The following MEI4 variants were observed in gnomAD, a reference collection of about 807,000 sequenced individuals.
MEI4 encodes the protein meiotic double-stranded break formation protein 4.
Under a neutral mutation model 31.4 loss-of-function variants are expected in MEI4, and 27 were observed. The observed-to-expected ratio is 0.86, with a 90% CI of 0.63 to 1.19. The LOEUF is 1.19. Ranked by LOEUF, MEI4 falls within the 50% of genes most tolerant of loss-of-function variation. The probability of loss-of-function intolerance (pLI) is 0.00; values close to 1 mark genes in which losing one functional copy is unlikely to be tolerated. For synonymous variants in MEI4, 122 were observed against 145.4 expected (o/e 0.84, Z 1.16); for missense variants, 329 against 398.9 (o/e 0.82, Z 1.49).
chr6:77,682,334 T>C (rs1768973945), intron 1 of MEI4, among the ~76,000 whole-genome samples: 1 of 152,220 alleles, frequency 6.6e-6, no homozygotes, highest in Non-Finnish European at 1.5e-5. Flanking sequence ...GTTTTCTCCC[T>C]TATAGCTTAC....
chr6:77,866,024 T>C (rs139648644), intron 4 of MEI4, among the ~76,000 whole-genome samples: 336 of 152,084 alleles, frequency 2.2e-3, no homozygotes, highest in African/African-American at 7.4e-3. Context: ...TGACAAAATT[T>C]AACAACTCTT....
chr6:77,844,320 G>A (rs1037838660), intron 4 of MEI4, among the ~76,000 whole-genome samples: 14 of 152,044 alleles, frequency 9.2e-5, no homozygotes, highest in Admixed American at 9.2e-4. Flanking sequence ...ATGTAGATTT[G>A]GAATTTCTGA....
rs959386661 is a variant in MEI4, at chr6:77,702,748, A to G, written c.232+11845A>G. Among the ~76,000 whole-genome samples the G allele has an allele frequency of 1.2e-4, 18 of 152,212 alleles. 1 individual carries two copies. Among genetic ancestry groups the G allele is most frequent in the Admixed American group, 3.3e-4 (5 of 15,288 alleles). ...CTTTTCCAGAATTTGGTGCTTACTT[A>G]TTTCTCCAGCCCAACCTGTCACCAC... On this transcript the variant is annotated intron_variant, in intron 2 of 4. Coordinates refer to ENST00000684080, the MANE Select transcript of MEI4 (RefSeq NM_001322247.2).
At chr6:77,747,208 A>C (rs952358697) in intron 2 of MEI4, among the ~76,000 whole-genome samples, 1 of 152,100 alleles carries the variant, frequency 6.6e-6, no homozygotes, top group Non-Finnish European at 1.5e-5. Context: ...GCTACTAGGG[A>C]GGTTTAGGCA....
intron 2 of MEI4, among the ~76,000 whole-genome samples, chr6:77,694,262 T>C (rs1229987843): frequency 2.6e-5 from 4 of 151,922 alleles, no homozygotes; most frequent in Non-Finnish European, 5.9e-5. Flanking sequence ...TTATTTATTT[T>C]AATTTTATTA....
chr6:77,882,801 A>G (rs1199494423), intron 4 of MEI4, among the ~76,000 whole-genome samples: 3 of 152,192 alleles, frequency 2.0e-5, no homozygotes, highest in South Asian at 2.1e-4. Context: ...TGTCATTTTT[A>G]TATCAAATCC....
intron 4 of MEI4, among the ~76,000 whole-genome samples, chr6:77,885,419 T>G (rs921125272): frequency 2.0e-5 from 3 of 152,064 alleles, no homozygotes; most frequent in Admixed American, 2.0e-4. Context: ...CTCAAACTGC[T>G]CGGCTCAAGC....
At chr6:77,806,062 G>A (rs955271841) in intron 3 of MEI4, among the ~76,000 whole-genome samples, 1 of 151,984 alleles carries the variant, frequency 6.6e-6, no homozygotes, top group African/African-American at 2.4e-5. Context: ...CTTTGCTTGA[G>A]GAAAATGTAT....
intron 1 of MEI4, among the ~76,000 whole-genome samples, chr6:77,661,178 C>G (rs1266052430): frequency 6.6e-6 from 1 of 152,130 alleles, no homozygotes; most frequent in Non-Finnish European, 1.5e-5. Flanking sequence ...AAGTTGGAGG[C>G]TGAGCTTGGT....
chr6:77,737,433 G>C (rs1354870842), intron 2 of MEI4, among the ~76,000 whole-genome samples: 2 of 152,192 alleles, frequency 1.3e-5, no homozygotes, highest in East Asian at 3.9e-4. Context: ...TAACAATAAA[G>C]GCTCGGGATA....
At chr6:77,844,519 G>A (rs1264236583) in intron 4 of MEI4, among the ~76,000 whole-genome samples, 2 of 152,066 alleles carry the variant, frequency 1.3e-5, no homozygotes, top group East Asian at 1.9e-4. Flanking sequence ...CTCAGCTCTT[G>A]AAATTTCTGC....
chr6:77,912,146 G>A (rs978084723), intron 4 of MEI4, among the ~76,000 whole-genome samples: 4 of 151,860 alleles, frequency 2.6e-5, no homozygotes, highest in African/African-American at 4.8e-5. Flanking sequence ...GTGAATATAT[G>A]GAATTATTTC....
intron 3 of MEI4, among the ~76,000 whole-genome samples, chr6:77,798,310 T>C (rs1429980181): frequency 6.6e-6 from 1 of 151,554 alleles, no homozygotes; most frequent in Non-Finnish European, 1.5e-5. Context: ...TATTGATTAT[T>C]ATTCAAACAA....
intron 2 of MEI4, among the ~76,000 whole-genome samples, chr6:77,692,829 T>C (rs2127652859): frequency 6.6e-6 from 1 of 152,078 alleles, no homozygotes; most frequent in African/African-American, 2.4e-5. Context: ...GGAATATGGA[T>C]TACCTAGAAG....
chr6:77,659,229 C>T (rs1174850127), intron 1 of MEI4, among the ~76,000 whole-genome samples: 1 of 151,848 alleles, frequency 6.6e-6, no homozygotes, highest in African/African-American at 2.4e-5. Flanking sequence ...TTTGTCGTGT[C>T]GGTGTCATGA....
intron 1 of MEI4, among the ~76,000 whole-genome samples, chr6:77,688,870 A>G (rs761887042): frequency 1.3e-5 from 2 of 152,068 alleles, no homozygotes; most frequent in Non-Finnish European, 2.9e-5. Flanking sequence ...GTCAGAGTCC[A>G]CTGCTCCTAT....
intron 1 of MEI4, among the ~76,000 whole-genome samples, chr6:77,658,815 C>T (rs1283161233): frequency 6.6e-6 from 1 of 152,116 alleles, no homozygotes; most frequent in Non-Finnish European, 1.5e-5. Flanking sequence ...GGACCCAGGA[C>T]ATCCAATTAG....
chr6:77,669,233 G>A (rs1172963619), intron 1 of MEI4, among the ~76,000 whole-genome samples: 1 of 152,108 alleles, frequency 6.6e-6, no homozygotes, highest in Non-Finnish European at 1.5e-5. Flanking sequence ...GTGTGTGTGT[G>A]TGCGTACATA....
At chr6:77,886,439 T>TG (rs57312237) in intron 4 of MEI4, among the ~76,000 whole-genome samples, 5 of 148,644 alleles carry the variant, frequency 3.4e-5, no homozygotes, top group East Asian at 2.0e-4. Flanking sequence ...AGTTTTGTTT[T>TG]TTTTTTTATG....
Sources: allele counts gnomAD v4.1 joint callset (sites outside exome capture counted in the v4.1 genomes callset), GRCh38; gene constraint gnomAD v4.1.1; transcripts MANE v1.5; gene names NCBI Gene and HGNC (gene_info 2026-07-23, HGNC 2026-07-21).